Variants in EPAS1 observed in about 807,000 individuals in gnomAD.
EPAS1 encodes endothelial PAS domain-containing protein 1.
In EPAS1, 23 loss-of-function variants were observed where a neutral mutation model predicts 87.9. The ratio of observed to expected loss-of-function variants is 0.26; its 90% CI spans 0.19 to 0.37. EPAS1 has a LOEUF of 0.37. Among genes scored for constraint, EPAS1 ranks in the 10% least tolerant of loss-of-function variants. The pLI, the probability that EPAS1 is intolerant of heterozygous loss-of-function variation, is 1.00. For synonymous variants in EPAS1, 508 were observed against 444.3 expected (o/e 1.14, Z -1.80); for missense variants, 1,138 against 1,120.7 (o/e 1.02, Z -0.22).
At chr2:46,327,759 C>G (rs1683592237) in intron 1 of EPAS1, among the ~76,000 whole-genome samples, 1 of 152,158 alleles carries the variant, frequency 6.6e-6, no homozygotes, top group South Asian at 2.1e-4. Flanking sequence ...TGTTGAGTGA[C>G]TTGTGGAAAA....
Position 46,381,668 on chromosome 2 carries a change from G to C in EPAS1, c.2118G>C (p.Leu706=). 6.2e-7 allele frequency: 1 copy of C among 1,614,054 alleles called. No homozygotes were observed. Among genetic ancestry groups the C allele is most frequent in the Admixed American group, 1.7e-5 (1 of 60,034 alleles). The change falls in exon 13 of 16, where the codon CTG becomes CTC. Residue 706 remains leucine (L), a synonymous_variant. Transcript: ENST00000263734. ...SPAMVALSNK[L]KLKRQLEYEE... is the part of the protein sequence containing the mutation. ...CCATGGTAGCCCTCTCCAACAAGCT[G>C]AAGCTGAAGCGACAGCTGGAGTATG...
intron 1 of EPAS1, among the ~76,000 whole-genome samples, chr2:46,322,263 T>C (rs1373231967): frequency 6.6e-5 from 10 of 152,186 alleles, no homozygotes; most frequent in Admixed American, 6.5e-4. Context: ...TGGCAGCTCA[T>C]ATTTTTACAA....
chr2:46,302,734 G>GA (rs368452487), intron 1 of EPAS1, among the ~76,000 whole-genome samples: 6,482 of 118,360 alleles, frequency 0.055, 293 homozygotes, highest in East Asian at 0.17. Context: ...GTCTGATTAG[G>GA]AAAAAAAAAA....
intron 4 of EPAS1, among the ~76,000 whole-genome samples, chr2:46,358,764 T>C (rs1684323320): frequency 6.6e-6 from 1 of 152,202 alleles, no homozygotes; most frequent in South Asian, 2.1e-4. Context: ...AAATCTTCAC[T>C]GAAGGTGCCA....
rs1392533284 is a variant in EPAS1 at position 46,360,902 on chromosome 2, C to T, written c.591C>T (p.Gly197=). 13 of 1,614,048 alleles carry T rather than the reference C, an allele frequency of 8.1e-6. No individual in the cohort carries two copies. The highest frequency in any genetic ancestry group is 1.0e-5 in the Non-Finnish European group (12 of 1,180,030). ...SATWKVLHCT[G]QVKVYNNCPP... ...TGTCTCAGGTCTTGCACTGCACGGG[C>T]CAGGTGAAAGTCTACAACAACTGCC... Residue 197 remains glycine (G), a synonymous_variant, in exon 6 of 16, where the codon GGC becomes GGT. Transcript: ENST00000263734. The surrounding 1 kb of genome is among the most constrained non-coding windows in gnomAD (Gnocchi z 4.5).
Position 46,356,206 on chromosome 2 carries a change from C to A in EPAS1, c.273C>A (p.Tyr91Ter). 6.3e-7 allele frequency: 1 copy of A among 1,596,918 alleles called. No homozygotes were observed. Among genetic ancestry groups the A allele is most frequent in the Non-Finnish European group, 8.5e-7 (1 of 1,170,332 alleles). The change falls in exon 3 of 16, where the codon TAC (tyrosine) becomes TAA (stop). Residue 91 changes from tyrosine (Y) to a stop codon, truncating the protein, a stop_gained. Coordinates refer to ENST00000263734, the MANE Select transcript of EPAS1 (RefSeq NM_001430.5). LOFTEE classifies it high-confidence loss of function. Reference sequence around the variant, plus strand: ...CTGACCAGCAGATGGACAACTTGTACCTGAAAGCCTTGGAGGGTTTCATTG... The same window carrying A: ...CTGACCAGCAGATGGACAACTTGTAACTGAAAGCCTTGGAGGGTTTCATTG... The part of the protein sequence containing the change: ...AEADQQMDNL[Y>*]LKALEGFIAV...
intron 1 of EPAS1, among the ~76,000 whole-genome samples, chr2:46,334,825 G>C (rs1683756124): frequency 6.6e-6 from 1 of 152,202 alleles, no homozygotes; most frequent in Non-Finnish European, 1.5e-5. Context: ...ATTTCCTGTG[G>C]CTTTTGATGA....
chr2:46,354,621 A>G (rs1684234512), intron 2 of EPAS1, among the ~76,000 whole-genome samples: 1 of 151,332 alleles, frequency 6.6e-6, no homozygotes, highest in Non-Finnish European at 1.5e-5. Context: ...GGCTGCACCC[A>G]GCAACCACCT....
Position 46,380,511 on chromosome 2 carries a change from C to T in EPAS1, c.1839C>T (p.Ser613=), listed in dbSNP as rs777399123. 10 of 1,614,078 alleles carry T rather than the reference C, an allele frequency of 6.2e-6. No individual in the cohort carries two copies. Among genetic ancestry groups the T allele is most frequent in the East Asian group, 4.5e-5 (2 of 44,898 alleles). ...PMSSIFFDAG[S]KASLPPCCGQ... is the part of the protein sequence containing the mutation. ...CCTCCATCTTCTTTGATGCCGGAAGCAAAGCATCCCTGCCACCGTGCTGTG... is the reference window on the plus strand; with the variant it reads ...CCTCCATCTTCTTTGATGCCGGAAGTAAAGCATCCCTGCCACCGTGCTGTG... Residue 613 remains serine, a synonymous_variant, in exon 12 of 16, where the codon AGC becomes AGT. Coordinates refer to ENST00000263734, the MANE Select transcript of EPAS1 (RefSeq NM_001430.5). This position sits in a 1 kb window ranked among gnomAD's most constrained non-coding sequence, Gnocchi z 4.4.
chr2:46,373,683 T>A (rs1213622783), intron 7 of EPAS1, among the ~76,000 whole-genome samples: 1 of 152,166 alleles, frequency 6.6e-6, no homozygotes, highest in Non-Finnish European at 1.5e-5. Context: ...GGGGCGGTGA[T>A]GGAAAAGTGC....
At chr2:46,344,980 T>A (rs1365716655) in intron 1 of EPAS1, among the ~76,000 whole-genome samples, 1 of 152,224 alleles carries the variant, frequency 6.6e-6, no homozygotes, top group East Asian at 1.9e-4. Context: ...TCACATTCCA[T>A]GAATCCCAAA....
At chr2:46,379,686 A>C (rs1298174952) in intron 11 of EPAS1, 1 of 177,246 alleles carries the variant, frequency 5.6e-6, no homozygotes, top group Non-Finnish European at 1.2e-5. Flanking sequence ...GGATGATCTG[A>C]GTATCTGCTG....
intron 2 of EPAS1, among the ~76,000 whole-genome samples, chr2:46,354,593 C>A (rs7586141): frequency 6.7e-6 from 1 of 149,522 alleles, no homozygotes; most frequent in African/African-American, 2.5e-5. Flanking sequence ...TGGGTGGTTC[C>A]GGGTGGAAGT....
intron 9 of EPAS1, among the ~76,000 whole-genome samples, 184 bp from the exon 10 acceptor site, chr2:46,377,710 T>G (rs555541745): frequency 3.1e-4 from 47 of 152,312 alleles, no homozygotes; most frequent in African/African-American, 1.1e-3. Flanking sequence ...AGTCTCTACG[T>G]TGACTCATAG....
rs1553388781 is a variant in EPAS1, at chr2:46,308,469, G to GGC, written c.26+10533_26+10534insCG. The stretch of plus-strand genomic sequence containing the variant: ...CTTGCTTGCTTTTTTTTGGGGGGGG[G>GGC]GGCTCTGAAATCATGCTTAGTTTTT... On this transcript the variant is annotated intron_variant, in intron 1 of 15. Transcript: ENST00000263734. 2.1e-4 allele frequency among the ~76,000 whole-genome samples: 29 copies of GGC among 136,274 alleles called. 1 individual carries two copies. The highest frequency in any genetic ancestry group is 1.7e-3 in the Admixed American group (23 of 13,484). 89.4% of individuals were successfully genotyped at this position (136,274 alleles called of 152,430 possible).
intron 1 of EPAS1, among the ~76,000 whole-genome samples, chr2:46,315,590 A>G (rs1308267903): frequency 1.3e-5 from 2 of 152,226 alleles, no homozygotes; most frequent in African/African-American, 2.4e-5. Flanking sequence ...GAGTTCACAC[A>G]GACTCCTTGC....
chr2:46,350,782 A>G (rs1219711548), intron 2 of EPAS1, among the ~76,000 whole-genome samples: 3 of 152,234 alleles, frequency 2.0e-5, no homozygotes, highest in Admixed American at 1.3e-4. Context: ...TTCATTTTCC[A>G]TGGACCTGGA....
At chr2:46,302,404 C>T (rs1683026549) in intron 1 of EPAS1, among the ~76,000 whole-genome samples, 1 of 152,008 alleles carries the variant, frequency 6.6e-6, no homozygotes, top group Non-Finnish European at 1.5e-5. Flanking sequence ...TGCTAGTTTC[C>T]CTTTTTATTT....
Position 46,381,710 on chromosome 2 carries a change from G to C in EPAS1, c.2160G>C (p.Gln720His). The change falls in exon 13 of 16, where the codon CAG becomes CAC. Residue 720 changes from glutamine (Q) to histidine (H), a missense_variant. By Grantham distance (24) the Gln-to-His change is conservative (BLOSUM62 0). This residue lies in a region of EPAS1 where 502 missense variants were observed against 427.1 expected (regional missense o/e 1.18). Transcript: ENST00000263734. ...RQLEYEEQAF[Q>H]DLSGGDPPGG... ...TGGAGTATGAAGAGCAAGCCTTCCA[G>C]GACCTGAGCGGGGTGAGTCATCCCC... The C allele has an allele frequency of 6.2e-7, 1 of 1,613,904 alleles. No individual in the cohort carries two copies. The highest frequency in any genetic ancestry group is 8.5e-7 in the Non-Finnish European group (1 of 1,180,030).
Sources: gnomAD v4.1 joint callset for allele counts (sites outside exome capture counted in the v4.1 genomes callset) on GRCh38, gnomAD v4.1.1 for gene constraint, gnomAD v4.1.1 regional missense constraint, Gnocchi (gnomAD v3.1) non-coding constraint, MANE v1.5 for transcripts, NCBI Gene and HGNC (gene_info 2026-07-23, HGNC 2026-07-21) for gene names.